The following PDE6C variants were observed in gnomAD, a reference collection of about 807,000 sequenced individuals.
The protein encoded by PDE6C is phosphodiesterase 6C.
In PDE6C, 75 loss-of-function variants were observed where a neutral mutation model predicts 113.1. The ratio of observed to expected loss-of-function variants is 0.66; its 90% CI spans 0.55 to 0.80. The LOEUF (loss-of-function observed/expected upper bound fraction) is 0.80, where lower values mean the gene tolerates loss of function less well. Among genes scored for constraint, PDE6C ranks in the 30% least tolerant of loss-of-function variants. PDE6C has a pLI of 0.00. For missense variants in PDE6C, 912 were observed against 1,038.6 expected, an observed-to-expected ratio of 0.88 and a Z score of 1.67; for synonymous variants, 375 against 363.7, an observed-to-expected ratio of 1.03 and a Z score of -0.35.
chr10:93,618,033 T>G (rs1479492785), intron 1 of PDE6C, among the ~76,000 whole-genome samples: 1 of 151,978 alleles, frequency 6.6e-6, no homozygotes, highest in African/African-American at 2.4e-5. Flanking sequence ...ATAAAATGGA[T>G]AGAAAAGAAA....
At chr10:93,620,305 T>G (rs2058439281) in intron 1 of PDE6C, among the ~76,000 whole-genome samples, 1 of 152,220 alleles carries the variant, frequency 6.6e-6, no homozygotes. Flanking sequence ...TGCTGTCTAT[T>G]GTAACCTTGT....
chr10:93,663,170 C>T lies in PDE6C; in HGVS notation c.2510C>T (p.Ala837Val). 6.2e-7 allele frequency: 1 copy of T among 1,613,320 alleles called. No individual in the cohort carries two copies. Among genetic ancestry groups the T allele is most frequent in the Non-Finnish European group, 8.5e-7 (1 of 1,179,668 alleles). The part of the protein sequence containing the change: ...EEEAKKQEGG[A>V]EKAAEDSGGG... ...GAGGCAAAAAAGCAAGAAGGAGGAGCCGAAAAAGGTTAGATGGGCTCTGTT... is the reference window on the plus strand; with the variant it reads ...GAGGCAAAAAAGCAAGAAGGAGGAGTCGAAAAAGGTTAGATGGGCTCTGTT... The change falls in exon 21 of 22, where the codon GCC becomes GTC. Residue 837 changes from alanine (A) to valine (V), a missense_variant. Physicochemically the swap from Ala to Val is moderately conservative, Grantham distance 64. Transcript: ENST00000371447.
intron 15 of PDE6C, among the ~76,000 whole-genome samples, chr10:93,649,261 A>G (rs1406481834): frequency 6.6e-6 from 1 of 152,228 alleles, no homozygotes; most frequent in Non-Finnish European, 1.5e-5. Context: ...CTGTCTCCAC[A>G]AAATGTCTTC....
Position 93,612,902 on chromosome 10 carries a change from A to G in PDE6C, c.177A>G (p.Ser59=), listed in dbSNP as rs2134587482. 6.2e-7 allele frequency: 1 copy of G among 1,614,070 alleles called. No homozygotes were observed. Among genetic ancestry groups the G allele is most frequent in the Admixed American group, 1.7e-5 (1 of 60,028 alleles). ...SFSELTQVEE[S]ALCLELLWTV... ...CTGAGCTGACCCAGGTGGAGGAGTC[A>G]GCCCTGTGCTTGGAGCTGCTGTGGA... Residue 59 remains serine (S), a synonymous_variant, in exon 1 of 22, where the codon TCA becomes TCG. Transcript: ENST00000371447.
At chr10:93,659,397 A>G (rs182377305) in intron 18 of PDE6C, among the ~76,000 whole-genome samples, 7 of 152,338 alleles carry the variant, frequency 4.6e-5, no homozygotes, top group African/African-American at 1.4e-4. Flanking sequence ...TAAATAATTT[A>G]TATAAAATTA....
chr10:93,628,524 G>A lies in PDE6C; in HGVS notation c.1072-734G>A, dbSNP rs539293880. On this transcript the variant is annotated intron_variant, in intron 7 of 21. Transcript: ENST00000371447. Reference sequence around the variant, plus strand: ...TGTTTGAACCCAGGAGGTGGAGGTTGCAGAGAGCTGAGATCGCGCCATTGC... The same window carrying A: ...TGTTTGAACCCAGGAGGTGGAGGTTACAGAGAGCTGAGATCGCGCCATTGC... Among the ~76,000 whole-genome samples the A allele has an allele frequency of 1.4e-3, 214 of 152,256 alleles. 5 individuals carry two copies. Among genetic ancestry groups the A allele is most frequent in the Admixed American group, 0.014 (208 of 15,300 alleles).
At chr10:93,627,258 C>CAAAAAAAAAAAAAAA (rs57142181) in intron 7 of PDE6C, among the ~76,000 whole-genome samples, 1 of 52,580 alleles carries the variant, frequency 1.9e-5, no homozygotes. Flanking sequence ...TGAAACTCCA[C>CAAAAAAAAAAAAAAA]AAAAAAAAAA....
At position 93,623,719 on chromosome 10, in the gene PDE6C, C is replaced by T. The variant is rs543417138; in HGVS notation, c.864+1647C>T. The stretch of plus-strand genomic sequence containing the variant: ...CAACAAAATTTGTTGAAAAGACTAT[C>T]CTTTGTTCATTGCCTTTGCGCCTTT... On this transcript the variant is annotated intron_variant, in intron 4 of 21. Coordinates refer to ENST00000371447, the MANE Select transcript of PDE6C (RefSeq NM_006204.4). Among the ~76,000 whole-genome samples the T allele has an allele frequency of 1.3e-4, 20 of 152,274 alleles. No homozygotes were observed. In the South Asian group the frequency reaches 2.9e-3, roughly 22 times the overall value.
chr10:93,612,675 G>T lies in PDE6C; in HGVS notation c.-51G>T, dbSNP rs1243366457. The T allele has an allele frequency of 1.9e-6, 3 of 1,611,578 alleles. No homozygotes were observed. The South Asian group carries it at 3.3e-5, about 18-fold the overall frequency. On this transcript the variant is annotated 5_prime_UTR_variant, in exon 1 of 22. Coordinates refer to ENST00000371447, the MANE Select transcript of PDE6C (RefSeq NM_006204.4). Reference sequence around the variant, plus strand: ...CCTTCTCATCACTCTGCCTCAGGTAGTGCTCTGAAGGTCGTCCTTTCTGAA... The same window carrying T: ...CCTTCTCATCACTCTGCCTCAGGTATTGCTCTGAAGGTCGTCCTTTCTGAA...
At chr10:93,662,020 A>G (rs377208545) in intron 18 of PDE6C, 39 bp from the exon 19 acceptor site, 3 of 1,249,374 alleles carry the variant, frequency 2.4e-6, no homozygotes, top group African/African-American at 1.5e-5. Flanking sequence ...TTCTCTATTC[A>G]TAAGTGGATT....
At chr10:93,653,780 T>G (rs1042876384) in intron 15 of PDE6C, among the ~76,000 whole-genome samples, 1 of 152,230 alleles carries the variant, frequency 6.6e-6, no homozygotes, top group Admixed American at 6.5e-5. Flanking sequence ...AAAGTTTAAC[T>G]ATAGTTGCTA....
chr10:93,629,404 G>A (rs960429888), intron 8 of PDE6C, 99 bp downstream of exon 8: 36 of 911,016 alleles, frequency 4.0e-5, no homozygotes, highest in South Asian at 1.4e-4. Context: ...TGATGCTCAG[G>A]TGTGGCCACA....
rs1404324482 is a variant in PDE6C at position 93,638,764 on chromosome 10, GTC to G, written c.1483-1299_1483-1298del. 3.9e-5 allele frequency among the ~76,000 whole-genome samples: 6 copies of G among 152,268 alleles called. No individual in the cohort carries two copies. In the East Asian group the frequency reaches 1.2e-3, roughly 29 times the overall value. ...TATTTGTCCATCTTCACGTACCTGA[GTC>G]TCTCTCCAGGCCTGCACTTTCATGT... On this transcript the variant is annotated intron_variant, in intron 11 of 21. Coordinates refer to ENST00000371447, the MANE Select transcript of PDE6C (RefSeq NM_006204.4).
chr10:93,631,163 G>T (rs1050914291), intron 8 of PDE6C, among the ~76,000 whole-genome samples: 1 of 152,154 alleles, frequency 6.6e-6, no homozygotes, highest in African/African-American at 2.4e-5. Flanking sequence ...GGGCCTCCCC[G>T]GGGCCTTGGG....
At chr10:93,619,304 A>G (rs2058434407) in intron 1 of PDE6C, among the ~76,000 whole-genome samples, 1 of 152,230 alleles carries the variant, frequency 6.6e-6, no homozygotes, top group Non-Finnish European at 1.5e-5. Flanking sequence ...AAAAAAAAAT[A>G]GGAATGGAAG....
At chr10:93,620,352 A>G (rs939990577) in intron 1 of PDE6C, among the ~76,000 whole-genome samples, 3 of 151,998 alleles carry the variant, frequency 2.0e-5, no homozygotes, top group Non-Finnish European at 4.4e-5. Context: ...CTCACTTTCC[A>G]CTTGGCTGTC....
intron 8 of PDE6C, among the ~76,000 whole-genome samples, chr10:93,633,000 C>A (rs374638313): frequency 6.6e-6 from 1 of 152,168 alleles, no homozygotes; most frequent in Non-Finnish European, 1.5e-5. Context: ...AGAGCCAAGA[C>A]TTAACAGGGG....
At chr10:93,664,726 T>C (rs2058681956) in intron 21 of PDE6C, among the ~76,000 whole-genome samples, 1 of 152,208 alleles carries the variant, frequency 6.6e-6, no homozygotes, top group African/African-American at 2.4e-5. Flanking sequence ...CATAGAGAAT[T>C]CTTTGTGGAC....
At chr10:93,663,667 T>C (rs575932956) in intron 21 of PDE6C, among the ~76,000 whole-genome samples, 5 of 130,216 alleles carry the variant, frequency 3.8e-5, no homozygotes, top group African/African-American at 1.3e-4. Flanking sequence ...AAGGCTGAAA[T>C]TGCCGGTCTC....
Sources: gnomAD v4.1 joint callset for allele counts (sites outside exome capture counted in the v4.1 genomes callset) on GRCh38, gnomAD v4.1.1 for gene constraint, MANE v1.5 for transcripts, NCBI Gene and HGNC (gene_info 2026-07-23, HGNC 2026-07-21) for gene names.